Variants in DLG2 observed in about 807,000 individuals in gnomAD.
DLG2 encodes the protein disks large homolog 2.
A neutral mutation model predicts 132.5 loss-of-function variants in DLG2; 45 were observed. The ratio of observed to expected loss-of-function variants is 0.34; its 90% CI spans 0.27 to 0.44. The LOEUF is 0.44. Among genes scored for constraint, DLG2 ranks in the 20% least tolerant of loss-of-function variants. DLG2 has a pLI of 1.00. For synonymous variants in DLG2, 424 were observed against 419.6 expected, an observed-to-expected ratio of 1.01 and a Z score of -0.13; for missense variants, 1,045 against 1,196.9, an observed-to-expected ratio of 0.87 and a Z score of 1.87.
chr11:84,470,298 T>C (rs1052765661), intron 7 of DLG2, among the ~76,000 whole-genome samples: 1 of 151,532 alleles, frequency 6.6e-6, no homozygotes, highest in Non-Finnish European at 1.5e-5. Flanking sequence ...AAAGAAGAGG[T>C]GAGGATAGAA....
intron 4 of DLG2, among the ~76,000 whole-genome samples, chr11:85,252,204 C>A (rs2076429169): frequency 6.6e-6 from 1 of 152,202 alleles, no homozygotes; most frequent in Non-Finnish European, 1.5e-5. Flanking sequence ...AAGTTTTGCA[C>A]TCTGTGATAT....
At chr11:83,918,313 G>A (rs766877318) in intron 15 of DLG2, among the ~76,000 whole-genome samples, 10 of 152,106 alleles carry the variant, frequency 6.6e-5, no homozygotes, top group Admixed American at 4.6e-4. Flanking sequence ...GTCTTTGATC[G>A]GAGGTTCATA....
At chr11:85,012,889 T>C (rs1464902651) in intron 6 of DLG2, among the ~76,000 whole-genome samples, 1 of 152,168 alleles carries the variant, frequency 6.6e-6, no homozygotes, top group Non-Finnish European at 1.5e-5. Flanking sequence ...TAGACAAATT[T>C]TATCACCCCT....
At chr11:83,803,401 C>T (rs547594878) in intron 17 of DLG2, among the ~76,000 whole-genome samples, 12 of 152,062 alleles carry the variant, frequency 7.9e-5, no homozygotes, top group Non-Finnish European at 1.3e-4. Flanking sequence ...TTTTGCAAAC[C>T]GTGGCACAAT....
intron 7 of DLG2, among the ~76,000 whole-genome samples, chr11:84,440,114 T>A (rs1474771669): frequency 6.6e-6 from 1 of 152,232 alleles, no homozygotes; most frequent in African/African-American, 2.4e-5. Flanking sequence ...AGTGACCTTT[T>A]TTACACACCT....
chr11:84,795,278 G>C (rs2074419547), intron 6 of DLG2, among the ~76,000 whole-genome samples: 1 of 152,098 alleles, frequency 6.6e-6, no homozygotes, highest in African/African-American at 2.4e-5. Context: ...CTGCAGAGAG[G>C]AGCTTCCCAA....
At chr11:85,296,591 G>A (rs1056411167) in intron 3 of DLG2, among the ~76,000 whole-genome samples, 9 of 147,224 alleles carry the variant, frequency 6.1e-5, no homozygotes, top group Non-Finnish European at 1.2e-4. Context: ...CCCCTCTTAT[G>A]TATACCATGA....
intron 7 of DLG2, among the ~76,000 whole-genome samples, chr11:84,463,157 C>A (rs1186184408): frequency 1.3e-5 from 2 of 151,098 alleles, no homozygotes; most frequent in Non-Finnish European, 3.0e-5. Flanking sequence ...AGGAGTAGAG[C>A]CAGTTCACAG....
intron 19 of DLG2, among the ~76,000 whole-genome samples, chr11:83,616,611 T>A (rs2060856588): frequency 6.6e-6 from 1 of 152,230 alleles, no homozygotes; most frequent in South Asian, 2.1e-4. Context: ...CTTGCCCCAT[T>A]CTCTTCATGG....
chr11:85,111,579 T>C (rs1165005964), intron 6 of DLG2, 82 bp downstream of exon 6: 48 of 1,142,232 alleles, frequency 4.2e-5, no homozygotes, highest in Non-Finnish European at 5.9e-5. Context: ...CAGAGAGCAT[T>C]CTGGCTCATT....
At chr11:85,015,412 T>TAA (rs5793152) in intron 6 of DLG2, among the ~76,000 whole-genome samples, 3 of 141,572 alleles carry the variant, frequency 2.1e-5, no homozygotes, top group Non-Finnish European at 3.1e-5. Context: ...CAGTGTTATT[T>TAA]AAAAAAAAAA....
At chr11:85,480,593 C>T (rs2093264777) in intron 3 of DLG2, among the ~76,000 whole-genome samples, 1 of 152,190 alleles carries the variant, frequency 6.6e-6, no homozygotes, top group Non-Finnish European at 1.5e-5. Context: ...AGCATATGCA[C>T]ACTTAACTAT....
chr11:85,169,165 A>C (rs958549773), intron 4 of DLG2, among the ~76,000 whole-genome samples: 1 of 152,128 alleles, frequency 6.6e-6, no homozygotes, highest in African/African-American at 2.4e-5. Flanking sequence ...TAGTTGTTGT[A>C]CTGTATTTTT....
intron 6 of DLG2, among the ~76,000 whole-genome samples, chr11:84,697,631 C>A (rs370668758): frequency 1.3e-5 from 2 of 151,534 alleles, no homozygotes; most frequent in East Asian, 3.9e-4. Context: ...ACTTAATTAT[C>A]ACAACAACTC....
chr11:85,547,564 T>C (rs1357336344), intron 3 of DLG2, among the ~76,000 whole-genome samples: 2 of 152,198 alleles, frequency 1.3e-5, no homozygotes, highest in Non-Finnish European at 2.9e-5. Context: ...TCCTGGATAA[T>C]ATCCTGAAGA....
In DLG2 at chr11:85,556,656, G is replaced by A. The variant is rs1341763021; in HGVS notation, c.40+42001C>T. Among the ~76,000 whole-genome samples the A allele has an allele frequency of 2.6e-5, 4 of 151,904 alleles. 1 individual carries two copies. The highest frequency in any genetic ancestry group is 4.2e-4 in the South Asian group (2 of 4,814). ...ATTTTCCTAAAATCCAAAAGCTTAA[G>A]GGAATCTAAGCACAGATGTGGCAGC... On this transcript the variant is annotated intron_variant, in intron 3 of 27. Transcript: ENST00000376104.
At chr11:84,953,485 T>C (rs1407015247) in intron 6 of DLG2, among the ~76,000 whole-genome samples, 1 of 152,202 alleles carries the variant, frequency 6.6e-6, no homozygotes, top group Non-Finnish European at 1.5e-5. Flanking sequence ...GCCATAGCTA[T>C]TCATCTTGAG....
chr11:85,288,823 T>C (rs1365770709), intron 3 of DLG2, among the ~76,000 whole-genome samples: 2 of 152,078 alleles, frequency 1.3e-5, no homozygotes, highest in Non-Finnish European at 2.9e-5. Context: ...TTATAGGATA[T>C]AAACAGTTTC....
intron 6 of DLG2, among the ~76,000 whole-genome samples, chr11:84,705,061 T>C (rs907492291): frequency 5.9e-5 from 9 of 151,622 alleles, no homozygotes; most frequent in Non-Finnish European, 1.2e-4. Context: ...TGGTTGCTCT[T>C]AGCAACAGTC....
Sources: allele counts gnomAD v4.1 joint callset (sites outside exome capture counted in the v4.1 genomes callset), GRCh38; gene constraint gnomAD v4.1.1; transcripts MANE v1.5; gene names NCBI Gene and HGNC (gene_info 2026-07-23, HGNC 2026-07-21).